LSAMP: variants seen among roughly 807,000 people sequenced by gnomAD.
LSAMP encodes limbic system-associated membrane protein.
Under a neutral mutation model 38.6 loss-of-function variants are expected in LSAMP, and 7 were observed. That is an observed-to-expected ratio of 0.18 (90% CI 0.10 to 0.34). LSAMP has a LOEUF of 0.34. Among genes scored for constraint, LSAMP ranks in the 10% least tolerant of loss-of-function variants. The pLI, the probability that LSAMP is intolerant of heterozygous loss-of-function variation, is 1.00. For missense variants in LSAMP, 313 were observed against 420.0 expected, an observed-to-expected ratio of 0.75 and a Z score of 2.23; for synonymous variants, 154 against 166.8, an observed-to-expected ratio of 0.92 and a Z score of 0.59.
intron 3 of LSAMP, among the ~76,000 whole-genome samples, chr3:115,958,253 G>A (rs1938515642): frequency 6.6e-6 from 1 of 152,060 alleles, no homozygotes. Flanking sequence ...AATATAACTT[G>A]AACTTTTAAG....
At chr3:115,867,168 C>T (rs1935885615) in intron 3 of LSAMP, among the ~76,000 whole-genome samples, 1 of 151,746 alleles carries the variant, frequency 6.6e-6, no homozygotes, top group African/African-American at 2.4e-5. Context: ...TTGTTGAATC[C>T]AAATATTGAT....
chr3:115,828,341 TTTTG>T lies in LSAMP; in HGVS notation c.919+13500_919+13503del, dbSNP rs200798281. ...TGGGAGAGTTTTTTTTGCTGTTGTT[TTTTG>T]TTTGTTTGTTTATTTGTTTCCTCTA... On this transcript the variant is annotated intron_variant, in intron 6 of 6. Transcript: ENST00000490035. 4.8e-3 allele frequency among the ~76,000 whole-genome samples: 736 copies of T among 152,250 alleles called. 1 individual carries two copies. The highest frequency in any genetic ancestry group is 0.022 in the East Asian group (114 of 5,184).
At chr3:115,818,732 T>G (rs534329959) in intron 6 of LSAMP, among the ~76,000 whole-genome samples, 2 of 138,352 alleles carry the variant, frequency 1.4e-5, no homozygotes, top group African/African-American at 5.2e-5. Context: ...GTCCAAAGAA[T>G]TTATATATAT....
chr3:116,306,235 C>T (rs903389295), intron 1 of LSAMP, among the ~76,000 whole-genome samples: 1 of 151,920 alleles, frequency 6.6e-6, no homozygotes, highest in Admixed American at 6.6e-5. Flanking sequence ...TCCTTCTTCC[C>T]ATTGTAATAG....
chr3:115,901,892 C>G (rs1181162778), intron 3 of LSAMP, among the ~76,000 whole-genome samples: 1 of 151,758 alleles, frequency 6.6e-6, no homozygotes, highest in Non-Finnish European at 1.5e-5. Flanking sequence ...AATAAAAAAG[C>G]AAATACCAAT....
chr3:116,057,959 A>C (rs867989492), intron 2 of LSAMP, among the ~76,000 whole-genome samples: 2,273 of 73,158 alleles, frequency 0.031, 44 homozygotes, highest in African/African-American at 0.15. Context: ...ACACACACCC[A>C]CACACACACA....
At chr3:115,901,552 C>T (rs1936874610) in intron 3 of LSAMP, among the ~76,000 whole-genome samples, 1 of 152,184 alleles carries the variant, frequency 6.6e-6, no homozygotes, top group Non-Finnish European at 1.5e-5. Flanking sequence ...TTATCTCCCA[C>T]AAAACCAGCG....
intron 3 of LSAMP, among the ~76,000 whole-genome samples, chr3:115,933,586 A>T (rs1333594504): frequency 1.3e-5 from 2 of 152,200 alleles, no homozygotes; most frequent in Admixed American, 1.3e-4. Flanking sequence ...CAGCAGGCAG[A>T]AATACTTATA....
chr3:115,878,776 C>G (rs1936251518), intron 3 of LSAMP, among the ~76,000 whole-genome samples: 6 of 151,968 alleles, frequency 3.9e-5, no homozygotes. Flanking sequence ...ACATGCTATT[C>G]TAATAGAATT....
chr3:116,112,258 AC>A (rs1247319846), intron 1 of LSAMP, among the ~76,000 whole-genome samples: 3 of 152,180 alleles, frequency 2.0e-5, no homozygotes, highest in African/African-American at 7.2e-5. Context: ...ACTAATCAAA[AC>A]CAATCATGTT....
chr3:116,092,864 T>G (rs1708153969), intron 1 of LSAMP, among the ~76,000 whole-genome samples: 1 of 152,286 alleles, frequency 6.6e-6, no homozygotes, highest in East Asian at 1.9e-4. Flanking sequence ...CTACCAAATA[T>G]TAAGCCTGTT....
intron 3 of LSAMP, among the ~76,000 whole-genome samples, chr3:115,902,536 A>G (rs1183735771): frequency 2.0e-5 from 3 of 152,178 alleles, no homozygotes; most frequent in African/African-American, 7.2e-5. Flanking sequence ...AAAAGAAACT[A>G]TCAAGAGAGT....
At chr3:115,934,323 G>T (rs10934316) in intron 3 of LSAMP, among the ~76,000 whole-genome samples, 1 of 151,460 alleles carries the variant, frequency 6.6e-6, no homozygotes, top group Non-Finnish European at 1.5e-5. Flanking sequence ...GATTACAGGC[G>T]CCCGCCACCA....
intron 1 of LSAMP, among the ~76,000 whole-genome samples, chr3:116,139,274 G>A (rs1274551733): frequency 6.6e-6 from 1 of 151,850 alleles, no homozygotes. Context: ...AATTTTGAAA[G>A]GATGACTCTT....
intron 1 of LSAMP, among the ~76,000 whole-genome samples, chr3:116,354,516 T>C (rs1018859233): frequency 3.3e-5 from 5 of 152,184 alleles, no homozygotes; most frequent in African/African-American, 1.2e-4. Flanking sequence ...CCCTTGGCAA[T>C]GAAGAAGCTT....
chr3:116,159,131 A>G (rs1471435713), intron 1 of LSAMP, among the ~76,000 whole-genome samples: 3 of 152,168 alleles, frequency 2.0e-5, no homozygotes, highest in African/African-American at 7.2e-5. Flanking sequence ...ACTTAAATAT[A>G]AAACCTAAAG....
At chr3:116,273,309 T>G (rs2046998734) in intron 1 of LSAMP, among the ~76,000 whole-genome samples, 1 of 151,994 alleles carries the variant, frequency 6.6e-6, no homozygotes, top group Non-Finnish European at 1.5e-5. Context: ...AGCCACACTC[T>G]ACCTAGTTCT....
chr3:116,075,620 C>G (rs1707723807), intron 2 of LSAMP, among the ~76,000 whole-genome samples: 3 of 151,162 alleles, frequency 2.0e-5, no homozygotes, highest in African/African-American at 7.3e-5. Flanking sequence ...CGGCTCACTG[C>G]AACCTCCGCT....
At chr3:116,257,748 C>A (rs1192615341) in intron 1 of LSAMP, among the ~76,000 whole-genome samples, 1 of 152,048 alleles carries the variant, frequency 6.6e-6, no homozygotes, top group African/African-American at 2.4e-5. Context: ...TTCCTGTAAC[C>A]TCATTACACC....
Sources: gnomAD v4.1 joint callset for allele counts (sites outside exome capture counted in the v4.1 genomes callset) on GRCh38, gnomAD v4.1.1 for gene constraint, MANE v1.5 for transcripts, NCBI Gene and HGNC (gene_info 2026-07-23, HGNC 2026-07-21) for gene names.